Variants in MED17 observed in about 807,000 individuals in gnomAD.
The protein encoded by MED17 is mediator of RNA polymerase II transcription subunit 17.
Under a neutral mutation model 80.8 loss-of-function variants are expected in MED17, and 49 were observed. The ratio of observed to expected loss-of-function variants is 0.61; its 90% CI spans 0.48 to 0.77. The LOEUF is 0.77. Among genes scored for constraint, MED17 ranks in the 30% least tolerant of loss-of-function variants. The probability of loss-of-function intolerance (pLI) is 0.00; values close to 1 mark genes in which losing one functional copy is unlikely to be tolerated. For synonymous variants in MED17, 281 were observed against 280.4 expected, an observed-to-expected ratio of 1.00 and a Z score of -0.02; for missense variants, 718 against 787.0, an observed-to-expected ratio of 0.91 and a Z score of 1.05.
rs1164291681 is a variant in MED17 at position 93,812,467 on chromosome 11, C to G, written c.*403C>G. On this transcript the variant is annotated 3_prime_UTR_variant, in exon 12 of 12. Transcript: ENST00000251871. ...AAACTTTTTTTTTTTGAGATGGTATCTCACTCTGTAGCCCAGTCTGGAGTG... is the reference window on the plus strand; with the variant it reads ...AAACTTTTTTTTTTTGAGATGGTATGTCACTCTGTAGCCCAGTCTGGAGTG... The G allele has an allele frequency of 5.6e-6, 2 of 356,320 alleles. No homozygotes were observed. Among genetic ancestry groups the G allele is most frequent in the Non-Finnish European group, 9.8e-6 (2 of 203,568 alleles). The allele number at this position is 356,320 out of a possible 1,614,324, so 22.1% of individuals were successfully genotyped here. A position where few individuals can be genotyped will look rare whatever the true frequency, so the allele number is the denominator to read the frequency against.
chr11:93,790,132 C>T (rs1157892764), intron 2 of MED17: 1 of 239,360 alleles, frequency 4.2e-6, no homozygotes, highest in African/African-American at 2.3e-5. Flanking sequence ...AGGCATTGTT[C>T]TAGGGTTTGT....
chr11:93,810,624 C>G (rs1012636329), intron 11 of MED17: 3 of 152,384 alleles, frequency 2.0e-5, no homozygotes, highest in Non-Finnish European at 2.9e-5. Flanking sequence ...CGGCTAACCT[C>G]AGATGATCCG....
chr11:93,810,131 G>A (rs1944070834), intron 11 of MED17: 1 of 460,048 alleles, frequency 2.2e-6, no homozygotes, highest in South Asian at 2.1e-5. Context: ...CATCAGCATT[G>A]TTACTCCTGC....
At chr11:93,797,508 G>T (rs751955092) in intron 7 of MED17, 27 bp from the exon 8 acceptor site, 7 of 1,591,582 alleles carry the variant, frequency 4.4e-6, no homozygotes, top group African/African-American at 4.0e-5. Flanking sequence ...TGTGGATATT[G>T]GTATTTAAAA....
At chr11:93,798,917 A>G (rs544857344) in intron 8 of MED17, among the ~76,000 whole-genome samples, 26 of 152,318 alleles carry the variant, frequency 1.7e-4, no homozygotes, top group Non-Finnish European at 3.2e-4. Flanking sequence ...CCCCAAATAA[A>G]TGATCAGCAT....
In MED17 at chr11:93,812,508, G is replaced by T. The variant is rs1202998419; in HGVS notation, c.*444G>T. ...GTCTGGAGTGCAGTGGTGTGATCAT[G>T]GTTCACTGCAGTCTTGACCTCCCAG... On this transcript the variant is annotated 3_prime_UTR_variant, in exon 12 of 12. Coordinates refer to ENST00000251871, the MANE Select transcript of MED17 (RefSeq NM_004268.5). The T allele has an allele frequency of 4.1e-6, 1 of 245,472 alleles. No individual in the cohort carries two copies. The highest frequency in any genetic ancestry group is 9.2e-5 in the East Asian group (1 of 10,850). 15.2% of individuals were successfully genotyped at this position (245,472 alleles called of 1,614,324 possible).
At position 93,797,869 on chromosome 11, in the gene MED17, G is replaced by T. The variant is rs56893874; in HGVS notation, c.1328+150G>T. The stretch of plus-strand genomic sequence containing the variant: ...GAGTTTATTTGCGGTCATAGACTGG[G>T]TCCTGTCAAGTCTGGGGAAGACTTA... On this transcript the variant is annotated intron_variant, in intron 8 of 11. Coordinates refer to ENST00000251871, the MANE Select transcript of MED17 (RefSeq NM_004268.5). The T allele has an allele frequency of 1.3e-3, 915 of 682,252 alleles. 8 individuals carry two copies. In the African/African-American group the frequency reaches 0.014, roughly 11 times the overall value. 42.3% of individuals were successfully genotyped at this position (682,252 alleles called of 1,614,324 possible). A position where few individuals can be genotyped will look rare whatever the true frequency, so the allele number is the denominator to read the frequency against.
At chr11:93,807,798 C>A in intron 10 of MED17, 163 bp downstream of exon 10, 1 of 664,714 alleles carries the variant, frequency 1.5e-6, no homozygotes, top group Non-Finnish European at 2.7e-6. Flanking sequence ...CATTTTACAA[C>A]CTGTTGGTTA....
Position 93,801,767 on chromosome 11 carries a change from G to A in MED17, c.1329-68G>A, listed in dbSNP as rs192389035. 3,076 of 1,463,400 alleles carry A rather than the reference G, an allele frequency of 2.1e-3. 64 individuals carry two copies. In the African/African-American group the frequency reaches 0.037, roughly 18 times the overall value. 90.7% of individuals were successfully genotyped at this position (1,463,400 alleles called of 1,614,324 possible). On this transcript the variant is annotated intron_variant, in intron 8 of 11. Transcript: ENST00000251871. Reference sequence around the variant, plus strand: ...GTTTTAAAATTTTCATAAAATTTTCGAATCATTTATATTCCTATCATTTTG... The same window carrying A: ...GTTTTAAAATTTTCATAAAATTTTCAAATCATTTATATTCCTATCATTTTG...
Position 93,811,930 on chromosome 11 carries a change from G to A in MED17, c.1822G>A (p.Asp608Asn), listed in dbSNP as rs753120725. The change falls in exon 12 of 12, where the codon GAT becomes AAT. Residue 608 changes from aspartate (D) to asparagine (N), a missense_variant. Coordinates refer to ENST00000251871, the MANE Select transcript of MED17 (RefSeq NM_004268.5). ...CCAATGTAAAGACCTTCCAAAAAGT[G>A]ATGTTTTACAAGATAACAAATGGAG... ...RNQCKDLPKSDVLQDNKWSHL... is the reference protein window; with the variant it reads ...RNQCKDLPKSNVLQDNKWSHL... 1.9e-6 allele frequency: 3 copies of A among 1,614,062 alleles called. No individual in the cohort carries two copies. The highest frequency in any genetic ancestry group is 2.5e-6 in the Non-Finnish European group (3 of 1,179,990).
At chr11:93,806,860 A>G (rs1240222186) in intron 9 of MED17, 4 of 152,202 alleles carry the variant, frequency 2.6e-5, no homozygotes, top group Admixed American at 1.3e-4. Context: ...AACCATGCCT[A>G]TGGAGTTGTT....
At position 93,784,321 on chromosome 11, in the gene MED17, G is replaced by T; in HGVS notation, c.-193G>T. On this transcript the variant is annotated 5_prime_UTR_variant, in exon 1 of 12. Transcript: ENST00000251871. ...AGACTTACCGAGGAGGGAGCTTGCG[G>T]TGCGTTCTGGGAAAGTTGCTGGGCC... is the stretch of plus-strand genomic sequence containing the variant. 1 of 714,484 alleles carries T rather than the reference G, an allele frequency of 1.4e-6. No individual in the cohort carries two copies. The highest frequency in any genetic ancestry group is 2.1e-5 in the South Asian group (1 of 47,862). The allele number at this position is 714,484 out of a possible 1,614,324, so 44.3% of individuals were successfully genotyped here.
At chr11:93,807,114 T>C (rs1392250401) in intron 9 of MED17, 6 of 200,102 alleles carry the variant, frequency 3.0e-5, no homozygotes, top group Middle Eastern at 2.1e-3. Context: ...TGTGGGTTAT[T>C]AAAACTTTTT....
chr11:93,785,357 G>T (rs1472592843), intron 1 of MED17, among the ~76,000 whole-genome samples: 1 of 152,108 alleles, frequency 6.6e-6, no homozygotes, highest in Non-Finnish European at 1.5e-5. Flanking sequence ...GAATTATAGG[G>T]AAAGCAAAAC....
At chr11:93,788,305 A>G (rs1943792650) in intron 2 of MED17, 138 bp downstream of exon 2, 2 of 695,592 alleles carry the variant, frequency 2.9e-6, no homozygotes, top group Admixed American at 2.6e-5. Context: ...AACTGGTCTA[A>G]AACAAAGCCA....
At chr11:93,801,753 T>G (rs1319726019) in intron 8 of MED17, 82 bp from the exon 9 acceptor site, 2 of 1,398,616 alleles carry the variant, frequency 1.4e-6, no homozygotes, top group Non-Finnish European at 2.0e-6. Context: ...TTTTAAAATT[T>G]TCATAAAATT....
intron 9 of MED17, among the ~76,000 whole-genome samples, chr11:93,803,975 G>T: frequency 1.0e-5 from 1 of 96,818 alleles, no homozygotes; most frequent in East Asian, 3.2e-4. Flanking sequence ...GTGTATATGT[G>T]TGTGTGTGTG....
chr11:93,802,356 T>C (rs1020835933), intron 9 of MED17, among the ~76,000 whole-genome samples: 1 of 152,198 alleles, frequency 6.6e-6, no homozygotes, highest in African/African-American at 2.4e-5. Flanking sequence ...TGTCTTGGCC[T>C]CCCAAAGTGC....
chr11:93,809,519 C>A (rs139570092), intron 10 of MED17, 198 bp from the exon 11 acceptor site: 36 of 628,002 alleles, frequency 5.7e-5, no homozygotes, highest in Admixed American at 1.9e-4. Context: ...AAGTATCAGG[C>A]AACTTTAGCT....
Sources: gnomAD v4.1 joint callset for allele counts (sites outside exome capture counted in the v4.1 genomes callset) on GRCh38, gnomAD v4.1.1 for gene constraint, MANE v1.5 for transcripts, NCBI Gene and HGNC (gene_info 2026-07-23, HGNC 2026-07-21) for gene names.